APAF1: variants seen among roughly 807,000 people sequenced by gnomAD.
APAF1 encodes apoptotic protease-activating factor 1.
Under a neutral mutation model 152.4 loss-of-function variants are expected in APAF1, and 91 were observed. The ratio of observed to expected loss-of-function variants is 0.60; its 90% CI spans 0.50 to 0.71. The LOEUF is 0.71. APAF1 is among the 30% of genes least tolerant of loss of function. The pLI is 0.00. For missense variants in APAF1, 1,283 were observed against 1,472.0 expected, an observed-to-expected ratio of 0.87 and a Z score of 2.10; for synonymous variants, 484 against 494.1, an observed-to-expected ratio of 0.98 and a Z score of 0.27.
In APAF1 at chr12:98,647,247, C is replaced by G. The variant is rs553636414; in HGVS notation, c.-41-1072C>G. 1.9e-3 allele frequency among the ~76,000 whole-genome samples: 262 copies of G among 141,358 alleles called. 1 individual carries two copies. The highest frequency in any genetic ancestry group is 3.8e-3 in the Middle Eastern group (1 of 262). 92.7% of individuals were successfully genotyped at this position (141,358 alleles called of 152,430 possible). A position where few individuals can be genotyped will look rare whatever the true frequency, so the allele number is the denominator to read the frequency against. On this transcript the variant is annotated intron_variant, in intron 1 of 26. Coordinates refer to ENST00000551964, the MANE Select transcript of APAF1 (RefSeq NM_181861.2). ...CCTGGTCAACATGGTGAAACCCCGTCTGTACTAAAAAAAAAAAAAAAATAA... is the reference window on the plus strand; with the variant it reads ...CCTGGTCAACATGGTGAAACCCCGTGTGTACTAAAAAAAAAAAAAAAATAA...
chr12:98,687,317 A>T (rs1482990652), intron 16 of APAF1, among the ~76,000 whole-genome samples: 1 of 151,238 alleles, frequency 6.6e-6, no homozygotes, highest in East Asian at 2.0e-4. Flanking sequence ...AGCTGAGATC[A>T]CGCCACTCCA....
In APAF1 at chr12:98,685,695, G is replaced by C. The variant is rs572293113; in HGVS notation, c.2179-1053G>C. Among the ~76,000 whole-genome samples, 6 of 152,078 alleles carry C rather than the reference G, an allele frequency of 3.9e-5. No individual in the cohort carries two copies. In the East Asian group the frequency reaches 1.2e-3, roughly 29 times the overall value. ...CTATCACCCAGGCTGGAGTGCAGTG[G>C]AGCGATCTTGGCTCATTGCAACCTC... On this transcript the variant is annotated intron_variant, in intron 15 of 26. Transcript: ENST00000551964.
intron 10 of APAF1, among the ~76,000 whole-genome samples, chr12:98,670,262 A>T (rs1369502671): frequency 6.6e-6 from 1 of 151,680 alleles, no homozygotes; most frequent in East Asian, 1.9e-4. Flanking sequence ...TATTCTTGTT[A>T]CTCCTTTAGT....
At chr12:98,698,707 G>T (rs1194867691) in intron 16 of APAF1, among the ~76,000 whole-genome samples, 1 of 152,202 alleles carries the variant, frequency 6.6e-6, no homozygotes, top group Non-Finnish European at 1.5e-5. Context: ...GCCAACCTTT[G>T]GTTTGGGCAT....
chr12:98,729,289 T>G (rs925249488), intron 26 of APAF1, among the ~76,000 whole-genome samples: 5 of 152,212 alleles, frequency 3.3e-5, no homozygotes, highest in Non-Finnish European at 7.3e-5. Flanking sequence ...GAAGACAATT[T>G]TTCCACAGAT....
chr12:98,729,728 G>A (rs2097757458), intron 26 of APAF1, among the ~76,000 whole-genome samples: 1 of 152,214 alleles, frequency 6.6e-6, no homozygotes, highest in Admixed American at 6.5e-5. Context: ...TCTAAGGCAG[G>A]ATAAGTGTTT....
chr12:98,670,899 G>T, intron 10 of APAF1, 74 bp from the exon 11 acceptor site: 1 of 816,218 alleles, frequency 1.2e-6, no homozygotes, highest in Non-Finnish European at 2.2e-6. Context: ...TTAGCAGTGT[G>T]AGGTTAATGA....
At chr12:98,712,260 C>G in intron 20 of APAF1, 59 bp from the exon 21 acceptor site, 1 of 929,186 alleles carries the variant, frequency 1.1e-6, no homozygotes, top group South Asian at 1.3e-5. Context: ...AGCCTCTGTT[C>G]TGACGAACAA....
Position 98,684,744 on chromosome 12 carries a change from A to C in APAF1, c.2178+1470A>C, listed in dbSNP as rs565352941. ...TTTGAATAAATGTACCACTAAAAAAAAATAAGACTGTTATACTATTTACGA... is the reference window on the plus strand; with the variant it reads ...TTTGAATAAATGTACCACTAAAAAACAATAAGACTGTTATACTATTTACGA... On this transcript the variant is annotated intron_variant, in intron 15 of 26. Coordinates refer to ENST00000551964, the MANE Select transcript of APAF1 (RefSeq NM_181861.2). Among the ~76,000 whole-genome samples, 276 of 152,310 alleles carry C rather than the reference A, an allele frequency of 1.8e-3. 1 individual carries two copies. Among genetic ancestry groups the C allele is most frequent in the African/African-American group, 6.4e-3 (265 of 41,562 alleles).
intron 8 of APAF1, 120 bp downstream of exon 8, chr12:98,665,911 G>A (rs117069060): frequency 0.048 from 43,328 of 899,236 alleles, 1,423 homozygotes; most frequent in Middle Eastern, 0.12. Context: ...GAGGTGGTGG[G>A]GTGTTGGGTG....
intron 16 of APAF1, among the ~76,000 whole-genome samples, chr12:98,688,214 C>A (rs977718915): frequency 4.6e-5 from 7 of 152,064 alleles, no homozygotes; most frequent in African/African-American, 1.7e-4. Flanking sequence ...AATAAGATTC[C>A]CAATTCCACT....
chr12:98,646,573 T>A (rs2097640786), intron 1 of APAF1, among the ~76,000 whole-genome samples: 1 of 152,226 alleles, frequency 6.6e-6, no homozygotes, highest in African/African-American at 2.4e-5. Flanking sequence ...CTTTTTCTTC[T>A]TTGAGTAGAC....
chr12:98,652,289 T>G (rs150404772), intron 4 of APAF1, among the ~76,000 whole-genome samples: 4 of 152,188 alleles, frequency 2.6e-5, no homozygotes, highest in Non-Finnish European at 4.4e-5. Flanking sequence ...AATACCAAAT[T>G]TGATTCCCCT....
chr12:98,725,353 T>C, intron 24 of APAF1, 62 bp from the exon 25 acceptor site: 1 of 1,606,158 alleles, frequency 6.2e-7, no homozygotes, highest in Non-Finnish European at 8.5e-7. Context: ...TGAATAGCAA[T>C]CAAGGCAGAT....
At chr12:98,678,822 C>T (rs2097689274) in intron 13 of APAF1, among the ~76,000 whole-genome samples, 1 of 152,362 alleles carries the variant, frequency 6.6e-6, no homozygotes, top group Admixed American at 6.5e-5. Flanking sequence ...GCAGTGCTGA[C>T]ATGCCAGCCC....
intron 17 of APAF1, among the ~76,000 whole-genome samples, chr12:98,700,123 A>G (rs1273143274): frequency 2.0e-5 from 3 of 152,208 alleles, no homozygotes; most frequent in Non-Finnish European, 4.4e-5. Context: ...TCTTCCCCAC[A>G]TCTAATAGTA....
intron 16 of APAF1, 93 bp from the exon 17 acceptor site, chr12:98,699,315 A>G (rs2097712819): frequency 1.6e-6 from 2 of 1,259,058 alleles, no homozygotes; most frequent in East Asian, 5.0e-5. Context: ...AGTGAAGTGA[A>G]TAAGTTTATG....
rs369367488 is a variant in APAF1 at position 98,673,018 on chromosome 12, A to G, written c.1793+1299A>G. Among the ~76,000 whole-genome samples, 282 of 151,894 alleles carry G rather than the reference A, an allele frequency of 1.9e-3. 1 individual carries two copies. The highest frequency in any genetic ancestry group is 6.1e-3 in the African/African-American group (251 of 41,472). ...GGTGATCCACCCGCCTCAGCCTCCC[A>G]AAGTGTTGGGATTACAGGCGTGAGC... On this transcript the variant is annotated intron_variant, in intron 12 of 26. Coordinates refer to ENST00000551964, the MANE Select transcript of APAF1 (RefSeq NM_181861.2).
chr12:98,649,463 T>C (rs1261866559), intron 3 of APAF1, 24 bp from the exon 4 acceptor site: 1 of 1,610,568 alleles, frequency 6.2e-7, no homozygotes, highest in Non-Finnish European at 8.5e-7. Context: ...TATTCATTCA[T>C]GCTTGTTTTG....
Sources: allele counts gnomAD v4.1 joint callset (sites outside exome capture counted in the v4.1 genomes callset), GRCh38; gene constraint gnomAD v4.1.1; transcripts MANE v1.5; gene names NCBI Gene and HGNC (gene_info 2026-07-23, HGNC 2026-07-21).